The following GRM5 variants were observed in gnomAD, a reference collection of about 807,000 sequenced individuals.
The protein encoded by GRM5 is metabotropic glutamate receptor 5.
GRM5 carries 19 observed loss-of-function variants against 83.1 expected under a neutral mutation model. That is an observed-to-expected ratio of 0.23 (90% confidence interval 0.16 to 0.34). The LOEUF is 0.34. Ranked by LOEUF, GRM5 falls within the 10% of genes least tolerant of loss-of-function variation. GRM5 has a pLI of 1.00. For missense variants in GRM5, 1,160 were observed against 1,588.3 expected, an observed-to-expected ratio of 0.73 and a Z score of 4.58; for synonymous variants, 675 against 633.6, an observed-to-expected ratio of 1.07 and a Z score of -0.98.
chr11:88,748,294 C>T (rs1305355098), intron 3 of GRM5, among the ~76,000 whole-genome samples: 2 of 152,096 alleles, frequency 1.3e-5, no homozygotes, highest in Non-Finnish European at 2.9e-5. Context: ...GGCATGAAAG[C>T]CAACCATAGC....
rs117017974 is a variant in GRM5 at position 88,567,558 on chromosome 11, C to T, written c.2125G>A (p.Val709Ile). 440 of 1,614,010 alleles carry T rather than the reference C, an allele frequency of 2.7e-4. 5 individuals are homozygous for T. In the East Asian group the frequency reaches 5.0e-3, roughly 18 times the overall value. The part of the protein sequence containing the change: ...ILICIQLGII[V>I]ALFIMEPPDI... Reference sequence around the variant, plus strand: ...GGAGGCTCCATTATAAAGAGGGCAACGATGATGCCCAACTGGATGCATATG... The same window carrying T: ...GGAGGCTCCATTATAAAGAGGGCAATGATGATGCCCAACTGGATGCATATG... The change falls in exon 8 of 10, where the codon GTT becomes ATT. Residue 709 changes from valine (V) to isoleucine (I), a missense_variant. Around this residue, in one of 9 missense-constraint regions of GRM5, gnomAD observed 44 missense variants for 41.0 expected, o/e 1.07. Coordinates refer to ENST00000305447, the MANE Select transcript of GRM5 (RefSeq NM_001143831.3). This position sits in a 1 kb window ranked among gnomAD's most constrained non-coding sequence, Gnocchi z 7.3.
Position 88,873,620 on chromosome 11 carries a change from A to G in GRM5, c.662-23465T>C, listed in dbSNP as rs577416829. Among the ~76,000 whole-genome samples the G allele has an allele frequency of 1.1e-4, 17 of 151,788 alleles. No homozygotes were observed. The Middle Eastern group carries it at 0.01, about 91-fold the overall frequency. On this transcript the variant is annotated intron_variant, in intron 2 of 9. Transcript: ENST00000305447. Reference sequence around the variant, plus strand: ...ACATGCTCCTGGGCAACTAATGAGTAATGAAGAAATTGTGAAGAAACATTT... The same window carrying G: ...ACATGCTCCTGGGCAACTAATGAGTGATGAAGAAATTGTGAAGAAACATTT...
intron 2 of GRM5, among the ~76,000 whole-genome samples, chr11:88,948,245 T>C (rs1017369828): frequency 8.5e-5 from 13 of 152,306 alleles, no homozygotes; most frequent in African/African-American, 2.6e-4. Flanking sequence ...CATATTAGTG[T>C]TTTAAAGCAT....
At chr11:88,787,128 ATGATGTG>A (rs1190099497) in intron 3 of GRM5, among the ~76,000 whole-genome samples, 3 of 115,754 alleles carry the variant, frequency 2.6e-5, no homozygotes, top group African/African-American at 9.7e-5. Flanking sequence ...GATATATGAT[ATGATGTG>A]TGTGTGTGTG....
intron 8 of GRM5, among the ~76,000 whole-genome samples, chr11:88,553,069 G>T (rs1379851462): frequency 3.3e-5 from 5 of 152,116 alleles, no homozygotes; most frequent in African/African-American, 7.2e-5. Context: ...AAGTCAATTT[G>T]CTCAGTTTTT....
intron 3 of GRM5, among the ~76,000 whole-genome samples, chr11:88,807,840 A>G (rs995417491): frequency 1.3e-5 from 2 of 152,060 alleles, no homozygotes; most frequent in African/African-American, 4.8e-5. Context: ...GCTAAGAGAA[A>G]CTGAGTTATA....
intron 3 of GRM5, among the ~76,000 whole-genome samples, chr11:88,759,797 A>C (rs960535204): frequency 2.0e-5 from 3 of 151,950 alleles, no homozygotes; most frequent in Non-Finnish European, 2.9e-5. Flanking sequence ...CACATGGTAC[A>C]TATTTTAAAA....
In GRM5 at chr11:88,615,130, T is replaced by G. The variant is rs377431292; in HGVS notation, c.1148-10166A>C. Among the ~76,000 whole-genome samples the G allele has an allele frequency of 5.9e-4, 90 of 152,228 alleles. 2 individuals are homozygous for G. Among genetic ancestry groups the G allele is most frequent in the African/African-American group, 2.1e-3 (88 of 41,536 alleles). On this transcript the variant is annotated intron_variant, in intron 4 of 9. Coordinates refer to ENST00000305447, the MANE Select transcript of GRM5 (RefSeq NM_001143831.3). ...ACATGTTTGTTCACAGTTCATTAAA[T>G]CTTTTGTTATTATTGAGCATCTGGG...
At chr11:88,799,992 C>A (rs1195197933) in intron 3 of GRM5, among the ~76,000 whole-genome samples, 2 of 151,962 alleles carry the variant, frequency 1.3e-5, no homozygotes, top group Admixed American at 6.6e-5. Flanking sequence ...AAAAGAGAAA[C>A]CAACATCATG....
chr11:89,044,248 T>C (rs907825263), intron 2 of GRM5, among the ~76,000 whole-genome samples: 19 of 152,338 alleles, frequency 1.2e-4, no homozygotes, highest in Middle Eastern at 3.4e-3. Context: ...GTTGAAGAGC[T>C]AGTTTGATCT....
chr11:89,009,001 C>T (rs764432061), intron 2 of GRM5: 2 of 664,284 alleles, frequency 3.0e-6, no homozygotes, highest in South Asian at 3.6e-5. Flanking sequence ...TAATTAGGAG[C>T]CTAATTTACC....
At chr11:88,756,590 A>T (rs1942397781) in intron 3 of GRM5, among the ~76,000 whole-genome samples, 1 of 152,186 alleles carries the variant, frequency 6.6e-6, no homozygotes, top group Non-Finnish European at 1.5e-5. Context: ...CATACAAAAA[A>T]TTATATAGCA....
chr11:88,894,337 C>T (rs920526265), intron 2 of GRM5, among the ~76,000 whole-genome samples: 1 of 152,020 alleles, frequency 6.6e-6, no homozygotes, highest in Non-Finnish European at 1.5e-5. Flanking sequence ...ACCCCTTTCT[C>T]TATAAAGAAA....
intron 2 of GRM5, among the ~76,000 whole-genome samples, chr11:88,869,841 AG>A (rs1944733223): frequency 6.6e-6 from 1 of 151,624 alleles, no homozygotes; most frequent in Non-Finnish European, 1.5e-5. Context: ...AATAGGTGTA[AG>A]GAGGTAAATC....
chr11:89,048,117 A>T (rs1941682498), intron 1 of GRM5, 45 bp from the exon 2 acceptor site: 1 of 457,526 alleles, frequency 2.2e-6, no homozygotes, highest in Admixed American at 3.8e-5. Flanking sequence ...ACATAAATGC[A>T]ACTAGTTTGG....
At chr11:88,703,388 A>ATGGT (rs59128572) in intron 3 of GRM5, among the ~76,000 whole-genome samples, 119,041 of 151,676 alleles carry the variant, frequency 0.78, 50,554 homozygotes, top group Non-Finnish European at 0.96. Context: ...CACCTGAGGG[A>ATGGT]TGGTATGTAG....
chr11:88,589,068 C>A (rs1937598753), intron 7 of GRM5, among the ~76,000 whole-genome samples: 1 of 152,058 alleles, frequency 6.6e-6, no homozygotes, highest in African/African-American at 2.4e-5. Flanking sequence ...AGGTGCTTAG[C>A]CATGCAAGTT....
chr11:88,754,741 C>T (rs1219415646), intron 3 of GRM5, among the ~76,000 whole-genome samples: 2 of 152,072 alleles, frequency 1.3e-5, no homozygotes, highest in African/African-American at 4.8e-5. Flanking sequence ...CTATCATCAT[C>T]ATCATATTTT....
At chr11:88,529,339 A>G (rs111632784) in intron 8 of GRM5, among the ~76,000 whole-genome samples, 210 of 151,436 alleles carry the variant, frequency 1.4e-3, no homozygotes, top group African/African-American at 4.9e-3. Flanking sequence ...AGGGTTACTT[A>G]ACCCATACTA....
Sources: gnomAD v4.1 joint callset for allele counts (sites outside exome capture counted in the v4.1 genomes callset) on GRCh38, gnomAD v4.1.1 for gene constraint, gnomAD v4.1.1 regional missense constraint, Gnocchi (gnomAD v3.1) non-coding constraint, MANE v1.5 for transcripts, NCBI Gene and HGNC (gene_info 2026-07-23, HGNC 2026-07-21) for gene names.